IL1RAPL1: variants seen among roughly 807,000 people sequenced by gnomAD.
IL1RAPL1 encodes the protein interleukin 1 receptor accessory protein like 1.
A neutral mutation model predicts 48.4 loss-of-function variants in IL1RAPL1; 3 were observed. That is an observed-to-expected ratio of 0.06 (90% CI 0.03 to 0.16). IL1RAPL1 has a LOEUF of 0.16. Ranked by LOEUF, IL1RAPL1 falls within the 10% of genes least tolerant of loss-of-function variation. The pLI, the probability that IL1RAPL1 is intolerant of heterozygous loss-of-function variation, is 1.00. For synonymous variants in IL1RAPL1, 185 were observed against 187.7 expected (o/e 0.99, Z 0.12); for missense variants, 349 against 530.6 (o/e 0.66, Z 3.36).
chrX:28,942,934 TA>T (rs1315219078), intron 2 of IL1RAPL1, among the ~76,000 whole-genome samples: 1 of 110,955 alleles, frequency 9.0e-6, no homozygotes, highest in African/African-American at 3.2e-5. Context: ...TATTGCAGAA[TA>T]CATCCAAGAA....
intron 5 of IL1RAPL1, among the ~76,000 whole-genome samples, chrX:29,607,572 G>A (rs918687296): frequency 8.9e-6 from 1 of 111,899 alleles, no homozygotes; most frequent in African/African-American, 3.2e-5. Context: ...TTTCAGTAAT[G>A]AGCTGTATCC....
At chrX:28,724,037 G>A (rs1345934862) in intron 1 of IL1RAPL1, among the ~76,000 whole-genome samples, 2 of 111,805 alleles carry the variant, frequency 1.8e-5, no homozygotes, top group African/African-American at 6.5e-5. Flanking sequence ...TTTGGAATAA[G>A]TGTGATGTGG....
intron 2 of IL1RAPL1, among the ~76,000 whole-genome samples, chrX:29,004,258 C>G (rs981045722): frequency 2.7e-5 from 3 of 112,272 alleles, no homozygotes; most frequent in African/African-American, 3.2e-5. Flanking sequence ...TATTTTTGAA[C>G]AGATATTTTA....
At chrX:29,819,699 A>G (rs754100816) in intron 6 of IL1RAPL1, among the ~76,000 whole-genome samples, 1 of 110,035 alleles carries the variant, frequency 9.1e-6, no homozygotes, top group East Asian at 2.8e-4. Context: ...AAAAAAAGCC[A>G]TTATAATTAA....
intron 6 of IL1RAPL1, among the ~76,000 whole-genome samples, chrX:29,878,130 A>G (rs1159798313): frequency 3.6e-5 from 4 of 112,216 alleles, no homozygotes; most frequent in African/African-American, 1.3e-4. Flanking sequence ...GGAAGTAATA[A>G]CAATAGGAAG....
intron 5 of IL1RAPL1, among the ~76,000 whole-genome samples, chrX:29,419,996 C>G (rs916631131): frequency 4.5e-5 from 5 of 111,624 alleles, no homozygotes; most frequent in Non-Finnish European, 9.4e-5. Context: ...GAAGGAATGT[C>G]ATTTCTGAGC....
At position 29,671,623 on chromosome X, in the gene IL1RAPL1, G is replaced by T. The variant is rs182851786; in HGVS notation, c.778+3119G>T. 3.6e-5 allele frequency among the ~76,000 whole-genome samples: 4 copies of T among 111,977 alleles called. No individual in the cohort carries two copies. In the East Asian group the frequency reaches 1.1e-3, roughly 32 times the overall value. ...AAAGGCCCAGAAATTTCACTGTACA[G>T]TTCTGGAAGTCAATCTGGGAGGTGA... On this transcript the variant is annotated intron_variant, in intron 6 of 10. Coordinates refer to ENST00000378993, the MANE Select transcript of IL1RAPL1 (RefSeq NM_014271.4).
intron 2 of IL1RAPL1, among the ~76,000 whole-genome samples, chrX:29,186,747 A>G (rs763390111): frequency 1.8e-5 from 2 of 111,806 alleles, no homozygotes; most frequent in South Asian, 3.7e-4. Context: ...CAGATATTCT[A>G]TGTGGTGTTT....
intron 5 of IL1RAPL1, among the ~76,000 whole-genome samples, chrX:29,537,001 CAAAT>C (rs1191777358): frequency 1.8e-5 from 2 of 109,940 alleles, no homozygotes; most frequent in African/African-American, 3.3e-5. Flanking sequence ...ATTATATAAA[CAAAT>C]TTTATAATTT....
At chrX:29,336,362 TATATACCTG>T (rs1318064558) in intron 3 of IL1RAPL1, among the ~76,000 whole-genome samples, 1 of 84,766 alleles carries the variant, frequency 1.2e-5, no homozygotes, top group Admixed American at 1.3e-4. Flanking sequence ...TCTATGTATA[TATATACCTG>T]ATATACCTGT....
chrX:29,883,277 A>G (rs1932066734), intron 6 of IL1RAPL1, among the ~76,000 whole-genome samples: 1 of 110,911 alleles, frequency 9.0e-6, no homozygotes, highest in African/African-American at 3.3e-5. Context: ...CACCGAGCAC[A>G]ACCTTATGTT....
chrX:29,766,663 A>G (rs1928918007), intron 6 of IL1RAPL1, among the ~76,000 whole-genome samples: 1 of 98,985 alleles, frequency 1.0e-5, no homozygotes, highest in Admixed American at 1.2e-4. Flanking sequence ...ATTATATATT[A>G]ATATATAATA....
chrX:29,172,907 C>T (rs1426753854), intron 2 of IL1RAPL1, among the ~76,000 whole-genome samples: 1 of 111,550 alleles, frequency 9.0e-6, no homozygotes, highest in Non-Finnish European at 1.9e-5. Flanking sequence ...GTGAATTTGG[C>T]ATGGGATCAT....
At chrX:28,821,242 T>A (rs993548909) in intron 2 of IL1RAPL1, among the ~76,000 whole-genome samples, 4 of 111,542 alleles carry the variant, frequency 3.6e-5, no homozygotes, top group Non-Finnish European at 7.5e-5. Flanking sequence ...ATATAAAAGT[T>A]GGAGAAGTTT....
At chrX:29,431,228 C>T (rs898291306) in intron 5 of IL1RAPL1, among the ~76,000 whole-genome samples, 1 of 112,221 alleles carries the variant, frequency 8.9e-6, no homozygotes, top group African/African-American at 3.2e-5. Context: ...TGAAGTCTGA[C>T]TTGAATGTGC....
At chrX:29,235,293 A>G (rs1436127302) in intron 2 of IL1RAPL1, among the ~76,000 whole-genome samples, 6 of 111,685 alleles carry the variant, frequency 5.4e-5, no homozygotes, top group Non-Finnish European at 1.1e-4. Flanking sequence ...TATTAGAAAT[A>G]GTTGTGTTGG....
chrX:28,707,186 T>G (rs940768184), intron 1 of IL1RAPL1, among the ~76,000 whole-genome samples: 3 of 111,836 alleles, frequency 2.7e-5, no homozygotes, highest in African/African-American at 9.7e-5. Context: ...GCCTGAGGGG[T>G]TTTGTTCCTG....
chrX:29,232,627 T>G (rs1172675932), intron 2 of IL1RAPL1, among the ~76,000 whole-genome samples: 1 of 111,488 alleles, frequency 9.0e-6, no homozygotes, highest in African/African-American at 3.3e-5. Flanking sequence ...CTAACATGTT[T>G]CTTTTATAAT....
chrX:29,209,393 T>C (rs968601014), intron 2 of IL1RAPL1, among the ~76,000 whole-genome samples: 3 of 112,382 alleles, frequency 2.7e-5, no homozygotes, highest in African/African-American at 9.7e-5. Context: ...TTTTTCATCT[T>C]GTTTTCTCAC....
Sources: gnomAD v4.1 joint callset for allele counts (sites outside exome capture counted in the v4.1 genomes callset) on GRCh38, gnomAD v4.1.1 for gene constraint, MANE v1.5 for transcripts, NCBI Gene and HGNC (gene_info 2026-07-23, HGNC 2026-07-21) for gene names.